PDE10A: variants seen among roughly 807,000 people sequenced by gnomAD.
The protein encoded by PDE10A is phosphodiesterase 10A, also known as cAMP and cAMP-inhibited cGMP 3',5'-cyclic phosphodiesterase 10A.
Under a neutral mutation model 97.7 loss-of-function variants are expected in PDE10A, and 39 were observed. The observed-to-expected ratio is 0.40, with a 90% CI of 0.31 to 0.52. PDE10A has a LOEUF of 0.52. Ranked by LOEUF, PDE10A falls within the 20% of genes least tolerant of loss-of-function variation. PDE10A has a pLI of 0.56. For missense variants in PDE10A, 731 were observed against 1,047.8 expected (o/e 0.70, Z 4.17); for synonymous variants, 371 against 376.8 (o/e 0.98, Z 0.18).
At chr6:165,664,753 C>T (rs924410476), upstream of PDE10A, among the ~76,000 whole-genome samples, 5 of 152,216 alleles carry the variant, frequency 3.3e-5, no homozygotes, top group African/African-American at 1.2e-4. Flanking sequence ...CAGCAAGGGT[C>T]TGAGGGCTGC....
intron 3 of PDE10A, among the ~76,000 whole-genome samples, chr6:165,481,000 T>C (rs1042963185): frequency 1.3e-5 from 2 of 152,248 alleles, no homozygotes; most frequent in African/African-American, 2.4e-5. Context: ...TTATGAATAA[T>C]AGCGAAGAAA....
chr6:165,632,533 A>C (rs758310011), intron 1 of PDE10A, among the ~76,000 whole-genome samples: 1 of 152,216 alleles, frequency 6.6e-6, no homozygotes, highest in Non-Finnish European at 1.5e-5. Context: ...TGCCTGAAAA[A>C]GCAGAGCTAT....
In PDE10A at chr6:165,830,810, C is replaced by G. The variant is rs75722493; in HGVS notation, c.-615+156719G>C. ...ATTTCTTGTGCCAATAACACACGCT[C>G]TTTCAGAGTCAAACTGATGTGAATG... On this transcript the variant is annotated intron_variant, in intron 1 of 19. Coordinates refer to the PDE10A transcript ENST00000366882. Among the ~76,000 whole-genome samples, 167 of 152,312 alleles carry G rather than the reference C, an allele frequency of 1.1e-3. 1 individual carries two copies. In the East Asian group the frequency reaches 0.025, roughly 23 times the overall value.
chr6:165,437,161 A>AT (rs1008583414), intron 5 of PDE10A, among the ~76,000 whole-genome samples: 1 of 152,082 alleles, frequency 6.6e-6, no homozygotes, highest in African/African-American at 2.4e-5. Context: ...GTAACTCTGT[A>AT]TTTTTTGCGG....
chr6:165,765,506 C>G (rs1006165241), intron 1 of PDE10A, among the ~76,000 whole-genome samples: 2 of 152,264 alleles, frequency 1.3e-5, no homozygotes, highest in African/African-American at 4.8e-5. Flanking sequence ...ACCCAGTACA[C>G]CCTCCGCAGC....
intron 3 of PDE10A, among the ~76,000 whole-genome samples, chr6:165,456,013 C>T (rs973863830): frequency 2.6e-5 from 4 of 152,150 alleles, no homozygotes; most frequent in African/African-American, 4.8e-5. Flanking sequence ...TTTGAGGTCA[C>T]CAAAACTTAG....
chr6:165,471,131 T>C (rs1778975801), intron 3 of PDE10A, among the ~76,000 whole-genome samples: 1 of 152,184 alleles, frequency 6.6e-6, no homozygotes, highest in African/African-American at 2.4e-5. Flanking sequence ...CAGCTCTCAG[T>C]CTTCCTTTCC....
intron 1 of PDE10A, among the ~76,000 whole-genome samples, chr6:165,890,465 T>G (rs1383980757): frequency 1.3e-5 from 2 of 151,292 alleles, no homozygotes; most frequent in African/African-American, 4.8e-5. Flanking sequence ...ATCCTCAATT[T>G]TTTGTCCTCC....
At chr6:165,675,934 T>A (rs566314211) in intron 1 of PDE10A, among the ~76,000 whole-genome samples, 32 of 152,314 alleles carry the variant, frequency 2.1e-4, no homozygotes, top group African/African-American at 7.7e-4. Context: ...ATACCTAAAC[T>A]TGTATGTTTA....
chr6:165,377,286 TGAAAAATCATA>T (rs1184883152), intron 18 of PDE10A, among the ~76,000 whole-genome samples: 1 of 152,004 alleles, frequency 6.6e-6, no homozygotes, highest in African/African-American at 2.4e-5. Flanking sequence ...CCCCTACCTT[TGAAAAATCATA>T]GAAAAATGCC....
chr6:165,837,409 T>A (rs1780092975), intron 1 of PDE10A, among the ~76,000 whole-genome samples: 2 of 152,336 alleles, frequency 1.3e-5, no homozygotes, highest in South Asian at 4.1e-4. Context: ...TTTTTCCCTT[T>A]TCATTTATTA....
chr6:165,385,576 C>A (rs1227621276), intron 17 of PDE10A, among the ~76,000 whole-genome samples: 1 of 152,136 alleles, frequency 6.6e-6, no homozygotes, highest in East Asian at 1.9e-4. Flanking sequence ...TCCCCAGTGC[C>A]TAAAACAGTT....
At chr6:165,446,323 T>C (rs1054676796) in intron 5 of PDE10A, among the ~76,000 whole-genome samples, 3 of 152,152 alleles carry the variant, frequency 2.0e-5, no homozygotes, top group African/African-American at 4.8e-5. Context: ...TGATCCCAGA[T>C]GGACGACTTG....
At chr6:165,888,547 G>C (rs1285335665) in intron 1 of PDE10A, among the ~76,000 whole-genome samples, 1 of 152,150 alleles carries the variant, frequency 6.6e-6, no homozygotes, top group Non-Finnish European at 1.5e-5. Flanking sequence ...GCCTCCCAAA[G>C]TGCTGAGATT....
At chr6:165,568,099 C>A (rs957833630) in intron 1 of PDE10A, among the ~76,000 whole-genome samples, 2 of 148,004 alleles carry the variant, frequency 1.4e-5, no homozygotes, top group Non-Finnish European at 3.0e-5. Flanking sequence ...CCTGGGTTCA[C>A]GCCATTCTCC....
chr6:165,857,128 G>A (rs1294516549), intron 1 of PDE10A, among the ~76,000 whole-genome samples: 1 of 152,164 alleles, frequency 6.6e-6, no homozygotes, highest in Admixed American at 6.5e-5. Flanking sequence ...CCTTCCAGGA[G>A]CTAAGGGAGC....
At chr6:165,434,271 C>T (rs1032733531) in intron 6 of PDE10A, among the ~76,000 whole-genome samples, 2 of 152,024 alleles carry the variant, frequency 1.3e-5, no homozygotes, top group African/African-American at 4.8e-5. Context: ...TCCTCCCTTC[C>T]TTCCCTTCTG....
chr6:165,686,393 CTT>C (rs1397131179), intron 1 of PDE10A, among the ~76,000 whole-genome samples: 3 of 152,150 alleles, frequency 2.0e-5, no homozygotes, highest in Non-Finnish European at 4.4e-5. Context: ...CCGTTCTCCT[CTT>C]TGCAGCGCTT....
rs551134740 is a variant in PDE10A, at chr6:165,452,627, C to T, written c.1024-2265G>A. ...CCCTCACCAAATGAAGGCCCCTCAT[C>T]CCAGGACCTCCCAGCCTCCAAAATT... On this transcript the variant is annotated intron_variant, in intron 3 of 21. Coordinates refer to ENST00000539869, the MANE Select transcript of PDE10A (RefSeq NM_001385079.1). Among the ~76,000 whole-genome samples the T allele has an allele frequency of 2.6e-5, 4 of 152,264 alleles. No homozygotes were observed. The South Asian group carries it at 8.3e-4, about 32-fold the overall frequency.
Sources: allele counts gnomAD v4.1 joint callset (sites outside exome capture counted in the v4.1 genomes callset), GRCh38; gene constraint gnomAD v4.1.1; transcripts MANE v1.5; gene names NCBI Gene and HGNC (gene_info 2026-07-23, HGNC 2026-07-21).